The following ABCC6 variants were observed in gnomAD, a reference collection of about 807,000 sequenced individuals.
ABCC6 encodes ATP binding cassette subfamily C member 6.
Under a neutral mutation model 169.5 loss-of-function variants are expected in ABCC6, and 126 were observed. That is an observed-to-expected ratio of 0.74 (90% CI 0.64 to 0.86). ABCC6 has a LOEUF of 0.86. ABCC6 is among the 40% of genes least tolerant of loss of function. The pLI, the probability that ABCC6 is intolerant of heterozygous loss-of-function variation, is 0.00. For synonymous variants in ABCC6, 752 were observed against 814.7 expected (o/e 0.92, Z 1.31); for missense variants, 1,733 against 1,927.2 (o/e 0.90, Z 1.89).
intron 5 of ABCC6, 116 bp downstream of exon 5, chr16:16,214,208 T>A (rs4781757): frequency 5.2e-6 from 8 of 1,544,154 alleles, no homozygotes; most frequent in African/African-American, 2.7e-5. Flanking sequence ...AGTAGAAATG[T>A]GGTACACTTT....
chr16:16,215,473 G>GTA (rs1491031627), intron 4 of ABCC6, among the ~76,000 whole-genome samples: 39 of 127,036 alleles, frequency 3.1e-4, no homozygotes, highest in African/African-American at 1.1e-3. Context: ...GTGTGTGTGT[G>GTA]TATACTTTTT....
intron 4 of ABCC6, among the ~76,000 whole-genome samples, chr16:16,214,974 G>A (rs549686012): frequency 2.8e-4 from 43 of 152,172 alleles, no homozygotes; most frequent in Non-Finnish European, 5.6e-4. Context: ...CCAGGGCTGC[G>A]TCTGGGTTTT....
chr16:16,182,382 C>T, intron 17 of ABCC6, 30 bp downstream of exon 17: 1 of 1,612,814 alleles, frequency 6.2e-7, no homozygotes, highest in Non-Finnish European at 8.5e-7. Flanking sequence ...GCAATGTCTC[C>T]CTGTCCCAAA....
At chr16:16,180,691 A>G (rs146719957) in intron 17 of ABCC6, among the ~76,000 whole-genome samples, 156 of 152,158 alleles carry the variant, frequency 1.0e-3, no homozygotes, top group African/African-American at 3.5e-3. Context: ...GGGCTTCACC[A>G]TGTTGGCCAG....
intron 1 of ABCC6, among the ~76,000 whole-genome samples, chr16:16,222,068 C>T (rs1250880656): frequency 8.5e-5 from 13 of 152,166 alleles, no homozygotes; most frequent in Non-Finnish European, 1.6e-4. Context: ...AGTAACTTTG[C>T]TGACTTTACC....
Position 16,157,775 on chromosome 16 carries a change from G to C in ABCC6, c.3770C>G (p.Pro1257Arg), listed in dbSNP as rs576328904. The C allele has an allele frequency of 6.2e-7, 1 of 1,613,408 alleles. No homozygotes were observed. Among genetic ancestry groups the C allele is most frequent in the South Asian group, 1.1e-5 (1 of 91,082 alleles). ...GATCTGCCCGCCCTGAGGCCAGGGG[G>C]GCTGAGCTGCACATGTGGGCAGCCT... ...PWRLPTCAAQ[P>R]PWPQGGQIEF... Residue 1257 changes from proline to arginine, a missense_variant, in exon 27 of 31, where the codon CCC (proline) becomes CGC (arginine). By Grantham distance (103) the Pro-to-Arg change is moderately radical. This residue lies in a region of ABCC6 where 1,601 missense variants were observed against 1,635.5 expected (regional missense o/e 0.98). Transcript: ENST00000205557.
intron 27 of ABCC6, among the ~76,000 whole-genome samples, chr16:16,157,195 T>C (rs1029944157): frequency 3.3e-5 from 5 of 152,134 alleles, no homozygotes; most frequent in Admixed American, 1.3e-4. Context: ...TGGAGCACTT[T>C]CTATGAGCTA....
intron 22 of ABCC6, among the ~76,000 whole-genome samples, chr16:16,168,357 G>A (rs1033796783): frequency 2.0e-5 from 3 of 152,214 alleles, no homozygotes; most frequent in Non-Finnish European, 4.4e-5. Context: ...ATGGTGGCAT[G>A]TGCATGTAGT....
intron 20 of ABCC6, among the ~76,000 whole-genome samples, chr16:16,173,776 G>T (rs2047186388): frequency 6.7e-6 from 1 of 150,026 alleles, no homozygotes; most frequent in African/African-American, 2.5e-5. Flanking sequence ...CAATCCACCT[G>T]CCTCAGCCTC....
intron 19 of ABCC6, among the ~76,000 whole-genome samples, chr16:16,177,157 T>A (rs1212644571): frequency 2.6e-5 from 4 of 152,222 alleles, no homozygotes; most frequent in African/African-American, 7.2e-5. Context: ...TGCCTCAGTT[T>A]GCTCATCTGT....
chr16:16,154,836 G>C (rs1567465482), intron 28 of ABCC6, 37 bp downstream of exon 28: 1 of 1,610,258 alleles, frequency 6.2e-7, no homozygotes, highest in Non-Finnish European at 8.5e-7. Context: ...GTCCCACCAT[G>C]CCTCCCATCT....
At chr16:16,213,269 AC>A (rs2048709303) in intron 5 of ABCC6, among the ~76,000 whole-genome samples, 1 of 151,460 alleles carries the variant, frequency 6.6e-6, no homozygotes, top group Non-Finnish European at 1.5e-5. Flanking sequence ...ATTTTTAAAA[AC>A]CTTTTTGTAG....
chr16:16,157,085 G>A (rs187367351), intron 27 of ABCC6, among the ~76,000 whole-genome samples: 2 of 152,142 alleles, frequency 1.3e-5, no homozygotes, highest in East Asian at 3.9e-4. Flanking sequence ...CAGTGAAGGG[G>A]CCTGATGAGG....
intron 25 of ABCC6, 72 bp downstream of exon 25, chr16:16,161,366 C>T (rs2046710124): frequency 5.6e-6 from 9 of 1,607,838 alleles, no homozygotes; most frequent in Non-Finnish European, 7.6e-6. Context: ...CTTCAAAGGT[C>T]CCACTAGCAG....
chr16:16,173,191 G>C, intron 21 of ABCC6, 93 bp downstream of exon 21: 1 of 1,567,504 alleles, frequency 6.4e-7, no homozygotes, highest in Non-Finnish European at 8.7e-7. Flanking sequence ...AGAAAGGTGA[G>C]TATCACTGCC....
chr16:16,182,421 A>G lies in ABCC6; in HGVS notation c.2238T>C (p.Ile746=), dbSNP rs748098140. 6 of 1,613,778 alleles carry G rather than the reference A, an allele frequency of 3.7e-6. No individual in the cohort carries two copies. The Admixed American group carries it at 1.0e-4, about 27-fold the overall frequency. The stretch of plus-strand genomic sequence containing the variant: ...ACCCCCAAACTCTCACCTGCTCCCC[A>G]ATTGAAGTGTGGATTCCCTCAGGGA... ...DSFPEGIHTS[I]GEQGMNLSGG... The change falls in exon 17 of 31, where the codon ATT becomes ATC. Residue 746 remains isoleucine (I), a synonymous_variant. Transcript: ENST00000205557.
At chr16:16,195,303 ATTTTTTTTTT>A (rs61393724) in intron 10 of ABCC6, among the ~76,000 whole-genome samples, 1 of 96,574 alleles carries the variant, frequency 1.0e-5, no homozygotes, top group Admixed American at 1.2e-4. Flanking sequence ...GTCTCATCTA[ATTTTTTTTTT>A]TTTTTTTTTT....
chr16:16,220,733 T>C (rs2049043032), intron 2 of ABCC6, among the ~76,000 whole-genome samples: 1 of 151,980 alleles, frequency 6.6e-6, no homozygotes, highest in Non-Finnish European at 1.5e-5. Context: ...CTGTTTCTAC[T>C]AAAAATACAA....
At chr16:16,222,837 T>A (rs2049118688) in intron 1 of ABCC6, among the ~76,000 whole-genome samples, 2 of 152,186 alleles carry the variant, frequency 1.3e-5, no homozygotes, top group Non-Finnish European at 2.9e-5. Context: ...CCTCTCTGTA[T>A]CTCAGTTTCC....
Sources: allele counts gnomAD v4.1 joint callset (sites outside exome capture counted in the v4.1 genomes callset), GRCh38; gene constraint gnomAD v4.1.1; regional missense constraint gnomAD v4.1.1; transcripts MANE v1.5; gene names NCBI Gene and HGNC (gene_info 2026-07-23, HGNC 2026-07-21).